Variants in ANK3 observed in about 807,000 individuals in gnomAD.
ANK3 encodes ankyrin 3.
In ANK3, 57 loss-of-function variants were observed where a neutral mutation model predicts 370.9. That is an observed-to-expected ratio of 0.15 (90% CI 0.12 to 0.19). ANK3 has a LOEUF of 0.19. Among genes scored for constraint, ANK3 ranks in the 10% least tolerant of loss-of-function variants. ANK3 has a pLI of 1.00. For synonymous variants in ANK3, 1,929 were observed against 1,946.3 expected (o/e 0.99, Z 0.23); for missense variants, 4,439 against 5,302.1 (o/e 0.84, Z 5.06).
At chr10:60,430,599 C>G (rs1418576056) in intron 2 of ANK3, among the ~76,000 whole-genome samples, 1 of 151,954 alleles carries the variant, frequency 6.6e-6, no homozygotes, top group Non-Finnish European at 1.5e-5. Flanking sequence ...ATGATTTGTC[C>G]CAGGCAATCG....
intron 1 of ANK3, among the ~76,000 whole-genome samples, chr10:60,332,741 G>A (rs561503639): frequency 6.6e-6 from 1 of 152,120 alleles, no homozygotes; most frequent in Non-Finnish European, 1.5e-5. Flanking sequence ...TTAAATGAAG[G>A]CATCAGTATA....
intron 1 of ANK3, among the ~76,000 whole-genome samples, chr10:60,331,109 C>T (rs910003918): frequency 6.6e-6 from 1 of 151,706 alleles, no homozygotes; most frequent in Non-Finnish European, 1.5e-5. Context: ...ACAAACTGGG[C>T]CTGTCAGGGG....
intron 2 of ANK3, among the ~76,000 whole-genome samples, chr10:60,455,868 C>T (rs2064734377): frequency 6.6e-6 from 1 of 152,192 alleles, no homozygotes; most frequent in Non-Finnish European, 1.5e-5. Context: ...CTTCAAGAGT[C>T]ACTCCCCTTG....
intron 1 of ANK3, among the ~76,000 whole-genome samples, chr10:60,331,917 A>G (rs1007026313): frequency 5.9e-5 from 9 of 152,186 alleles, no homozygotes; most frequent in Admixed American, 5.9e-4. Flanking sequence ...ATAAAATCAG[A>G]AAGAAATTGA....
intron 1 of ANK3, among the ~76,000 whole-genome samples, chr10:60,651,162 C>A (rs2078784496): frequency 6.6e-6 from 1 of 151,744 alleles, no homozygotes; most frequent in Non-Finnish European, 1.5e-5. Context: ...TACACACACG[C>A]ACACAATGTA....
chr10:60,247,250 C>T (rs1338272073), intron 7 of ANK3, among the ~76,000 whole-genome samples: 1 of 152,090 alleles, frequency 6.6e-6, no homozygotes, highest in East Asian at 1.9e-4. Flanking sequence ...ATCTCCTGAC[C>T]TTGTGATACA....
At chr10:60,661,563 A>G (rs1481766634) in intron 1 of ANK3, among the ~76,000 whole-genome samples, 1 of 151,960 alleles carries the variant, frequency 6.6e-6, no homozygotes, top group Non-Finnish European at 1.5e-5. Context: ...ATAGCAATTG[A>G]CTCCAGGAAG....
At chr10:60,613,026 A>C (rs2078221505) in intron 2 of ANK3, among the ~76,000 whole-genome samples, 1 of 152,188 alleles carries the variant, frequency 6.6e-6, no homozygotes, top group Admixed American at 6.5e-5. Flanking sequence ...GAAAGTCCTA[A>C]ATCCATATAT....
In ANK3 at chr10:60,309,440, C is replaced by A. The variant is rs1252971357; in HGVS notation, c.115-29801G>T. Among the ~76,000 whole-genome samples, 6 of 152,284 alleles carry A rather than the reference C, an allele frequency of 3.9e-5. 1 individual carries two copies. The highest frequency in any genetic ancestry group is 3.9e-4 in the Admixed American group (6 of 15,296). ...TTAGCTAGATGAACTTGACTATGTT[C>A]ATTTCTGCTGTCATGCATAATAAGG... is the stretch of plus-strand genomic sequence containing the variant. On this transcript the variant is annotated intron_variant, in intron 1 of 43. Coordinates refer to ENST00000280772, the MANE Select transcript of ANK3 (RefSeq NM_020987.5).
exon 2 of ANK3, chr10:60,615,203 A>G (rs1357207300): frequency 1.3e-6 from 2 of 1,519,864 alleles, no homozygotes; most frequent in African/African-American, 1.4e-5. Flanking sequence ...GAGCTTCGTG[A>G]ATAATCTGAT....
At chr10:60,115,824 C>T (rs1196451606) in intron 25 of ANK3, among the ~76,000 whole-genome samples, 2 of 151,984 alleles carry the variant, frequency 1.3e-5, no homozygotes, top group Non-Finnish European at 2.9e-5. Context: ...GTAAATTGGA[C>T]CCTTAGAAAT....
intron 18 of ANK3, among the ~76,000 whole-genome samples, chr10:60,178,412 G>A (rs1335729887): frequency 3.9e-5 from 6 of 152,226 alleles, no homozygotes; most frequent in African/African-American, 7.2e-5. Flanking sequence ...TCTGTAAGAC[G>A]AGGATGCTAA....
chr10:60,616,603 T>C (rs1203824708), intron 1 of ANK3, among the ~76,000 whole-genome samples: 3 of 152,096 alleles, frequency 2.0e-5, no homozygotes, highest in African/African-American at 7.2e-5. Context: ...CTTCCTAGTA[T>C]TTATGATATA....
chr10:60,603,132 G>T (rs1410744212), intron 2 of ANK3, among the ~76,000 whole-genome samples: 4 of 152,124 alleles, frequency 2.6e-5, no homozygotes, highest in Non-Finnish European at 4.4e-5. Context: ...ATGTTTTATG[G>T]TTTGATTTAA....
intron 1 of ANK3, among the ~76,000 whole-genome samples, chr10:60,705,094 G>C (rs1282220560): frequency 6.6e-6 from 1 of 152,098 alleles, no homozygotes; most frequent in Non-Finnish European, 1.5e-5. Context: ...TTATTTGACA[G>C]ATATTATCTC....
chr10:60,431,440 C>T (rs2064020337), intron 2 of ANK3, among the ~76,000 whole-genome samples: 1 of 152,166 alleles, frequency 6.6e-6, no homozygotes, highest in South Asian at 2.1e-4. Flanking sequence ...TGAAGTTTTG[C>T]TCTCTGGACA....
At chr10:60,506,647 C>T (rs1394134051) in intron 2 of ANK3, among the ~76,000 whole-genome samples, 1 of 152,038 alleles carries the variant, frequency 6.6e-6, no homozygotes, top group Non-Finnish European at 1.5e-5. Flanking sequence ...CCAGTAAAAT[C>T]CACGATATTT....
intron 1 of ANK3, among the ~76,000 whole-genome samples, chr10:60,642,044 C>G (rs368270164): frequency 1.3e-3 from 189 of 141,680 alleles, no homozygotes; most frequent in East Asian, 8.1e-4. Context: ...TTCACCATCA[C>G]TGGCCATCAG....
chr10:60,525,601 T>C (rs1167567579), intron 2 of ANK3, among the ~76,000 whole-genome samples: 1 of 152,138 alleles, frequency 6.6e-6, no homozygotes, highest in Non-Finnish European at 1.5e-5. Flanking sequence ...CCTATATGAC[T>C]GTAGTCCTTT....
Sources: gnomAD v4.1 joint callset for allele counts (sites outside exome capture counted in the v4.1 genomes callset) on GRCh38, gnomAD v4.1.1 for gene constraint, MANE v1.5 for transcripts, NCBI Gene and HGNC (gene_info 2026-07-23, HGNC 2026-07-21) for gene names.